ZNF182: variants seen among roughly 807,000 people sequenced by gnomAD.
The protein encoded by ZNF182 is zinc finger protein 21 (KOX 14).
In ZNF182, 10 loss-of-function variants were observed where a neutral mutation model predicts 28.1. The ratio of observed to expected loss-of-function variants is 0.36; its 90% CI spans 0.22 to 0.60. The LOEUF is 0.60. Among genes scored for constraint, ZNF182 ranks in the 20% least tolerant of loss-of-function variants. The probability of loss-of-function intolerance (pLI) is 0.75; values close to 1 mark genes in which losing one functional copy is unlikely to be tolerated. For synonymous variants in ZNF182, 156 were observed against 158.7 expected, an observed-to-expected ratio of 0.98 and a Z score of 0.13; for missense variants, 352 against 453.2, an observed-to-expected ratio of 0.78 and a Z score of 2.03.
chrX:47,996,979 G>A (rs782398910), intron 3 of ZNF182, among the ~76,000 whole-genome samples: 1 of 111,808 alleles, frequency 8.9e-6, no homozygotes, highest in South Asian at 3.7e-4. Flanking sequence ...CCAATCTATG[G>A]TACTTTGTTA....
chrX:47,990,618 T>A (rs782435565), intron 3 of ZNF182, among the ~76,000 whole-genome samples: 31 of 112,080 alleles, frequency 2.8e-4, no homozygotes, highest in Middle Eastern at 9.1e-3. Context: ...AGCTTCTCTA[T>A]AGGAAGTGGC....
At chrX:48,002,133 A>T in intron 3 of ZNF182, among the ~76,000 whole-genome samples, 1 of 112,374 alleles carries the variant, frequency 8.9e-6, no homozygotes. Context: ...AAGAGATTTC[A>T]TTCCCAAGTT....
chrX:47,981,583 A>G (rs954545605), intron 5 of ZNF182, among the ~76,000 whole-genome samples: 14 of 112,560 alleles, frequency 1.2e-4, no homozygotes, highest in African/African-American at 4.5e-4. Context: ...AATAATAGAT[A>G]AGAAGCAATT....
chrX:48,003,415 AC>A (rs1556902147), intron 2 of ZNF182, 92 bp downstream of exon 2: 1 of 112,217 alleles, frequency 8.9e-6, no homozygotes, highest in East Asian at 2.8e-4. Flanking sequence ...TCTCCCTCAG[AC>A]CCCGCACCTA....
intron 5 of ZNF182, among the ~76,000 whole-genome samples, chrX:47,981,899 C>CAAAA (rs781925569): frequency 2.2e-5 from 2 of 91,547 alleles, no homozygotes; most frequent in Non-Finnish European, 4.3e-5. Flanking sequence ...GACTCTGTCT[C>CAAAA]AAAAAAAAAA....
intron 3 of ZNF182, among the ~76,000 whole-genome samples, chrX:47,994,711 G>A (rs1226741703): frequency 1.8e-5 from 2 of 111,165 alleles, no homozygotes; most frequent in Non-Finnish European, 1.9e-5. Flanking sequence ...TGATCTCTGC[G>A]CACTGCAACC....
chrX:47,988,802 C>T (rs905515979), intron 3 of ZNF182, among the ~76,000 whole-genome samples: 2 of 110,508 alleles, frequency 1.8e-5, no homozygotes, highest in Admixed American at 1.9e-4. Flanking sequence ...AAATAAAAAC[C>T]CATAAAAATA....
chrX:47,985,714 A>G (rs1469121446), intron 3 of ZNF182, among the ~76,000 whole-genome samples: 12 of 110,967 alleles, frequency 1.1e-4, no homozygotes, highest in African/African-American at 3.3e-4. Context: ...AAGTGGCACC[A>G]TTCACCATCA....
At chrX:48,000,337 G>A (rs1209371836) in intron 3 of ZNF182, among the ~76,000 whole-genome samples, 2 of 107,604 alleles carry the variant, frequency 1.9e-5, no homozygotes, top group East Asian at 3.0e-4. Flanking sequence ...CGAGGTGGGC[G>A]GATCACCTGA....
At chrX:47,991,860 C>G (rs1334791149) in intron 3 of ZNF182, among the ~76,000 whole-genome samples, 1 of 111,354 alleles carries the variant, frequency 9.0e-6, no homozygotes, top group Non-Finnish European at 1.9e-5. Context: ...TAGTCTCTGT[C>G]TTCCCCCAAA....
chrX:47,987,367 G>A (rs980770896), intron 3 of ZNF182, among the ~76,000 whole-genome samples: 1 of 112,170 alleles, frequency 8.9e-6, no homozygotes, highest in Admixed American at 9.4e-5. Flanking sequence ...TGGTCGACCA[G>A]ACAAATAAAT....
chrX:47,983,051 A>C lies in ZNF182; in HGVS notation c.143-13T>G. On this transcript the variant is annotated splice_polypyrimidine_tract_variant and intron_variant, in intron 4 of 5. Coordinates refer to ENST00000376943, the MANE Select transcript of ZNF182 (RefSeq NM_001007088.2). ...GTAACCTGCTGCCCTGTTGATGAGAAATGACAGTGATACCTCCTTGGCTTT... is the reference window on the plus strand; with the variant it reads ...GTAACCTGCTGCCCTGTTGATGAGACATGACAGTGATACCTCCTTGGCTTT... 1 of 1,206,503 alleles carries C rather than the reference A, an allele frequency of 8.3e-7. No homozygotes were observed. Among genetic ancestry groups the C allele is most frequent in the Admixed American group, 2.2e-5 (1 of 45,950 alleles).
chrX:47,979,555 T>C (rs558127), intron 5 of ZNF182, among the ~76,000 whole-genome samples: 45,440 of 109,962 alleles, frequency 0.41, 7,013 homozygotes, highest in Non-Finnish European at 0.47. Flanking sequence ...CCCACCCAAA[T>C]GGATGTTGAG....
Position 47,999,241 on chromosome X carries a change from G to A in ZNF182, c.15+3354C>T, listed in dbSNP as rs548393198. ...CTAAAAATACAATAATTAGCCAGGC[G>A]TGGTGGCAGGTGCCTGTAATCCCAA... is the stretch of plus-strand genomic sequence containing the variant. On this transcript the variant is annotated intron_variant, in intron 3 of 5. Coordinates refer to ENST00000376943, the MANE Select transcript of ZNF182 (RefSeq NM_001007088.2). Among the ~76,000 whole-genome samples the A allele has an allele frequency of 2.8e-4, 31 of 109,933 alleles. No homozygotes were observed. In the South Asian group the frequency reaches 0.011, roughly 38 times the overall value.
intron 3 of ZNF182, among the ~76,000 whole-genome samples, chrX:47,985,314 G>A (rs1199793740): frequency 8.9e-6 from 1 of 112,338 alleles, no homozygotes; most frequent in East Asian, 2.8e-4. Flanking sequence ...TATGCTAAGT[G>A]AAAGAAGCCA....
At chrX:47,997,800 GAATT>G (rs1423766569) in intron 3 of ZNF182, among the ~76,000 whole-genome samples, 3 of 110,876 alleles carry the variant, frequency 2.7e-5, no homozygotes, top group East Asian at 2.8e-4. Context: ...TCAAAAAAAA[GAATT>G]AATTAATTCA....
chrX:47,981,313 A>G (rs782467983), intron 5 of ZNF182, among the ~76,000 whole-genome samples: 1 of 112,068 alleles, frequency 8.9e-6, no homozygotes, highest in Admixed American at 9.4e-5. Flanking sequence ...AAGCTACCAA[A>G]GACTCAGGAG....
intron 5 of ZNF182, among the ~76,000 whole-genome samples, chrX:47,979,866 GGT>G (rs56350180): frequency 0.21 from 18,961 of 89,481 alleles, 1,871 homozygotes; most frequent in South Asian, 0.33. Flanking sequence ...GTGTGTGTGG[GGT>G]GTGTGTGTGT....
In ZNF182 at chrX:47,983,277, A is replaced by G; in HGVS notation, c.142+8T>C. ...AACTGCAAAATTACCTAAGGAAGCT[A>G]TTCTTACCCACAAAGACCAAGTTGC... On this transcript the variant is annotated splice_region_variant and intron_variant, in intron 4 of 5. Coordinates refer to ENST00000376943, the MANE Select transcript of ZNF182 (RefSeq NM_001007088.2). The G allele has an allele frequency of 8.3e-7, 1 of 1,211,390 alleles. No homozygotes were observed. Among genetic ancestry groups the G allele is most frequent in the Non-Finnish European group, 1.1e-6 (1 of 895,358 alleles).
Sources: allele counts gnomAD v4.1 joint callset (sites outside exome capture counted in the v4.1 genomes callset), GRCh38; gene constraint gnomAD v4.1.1; transcripts MANE v1.5; gene names NCBI Gene and HGNC (gene_info 2026-07-23, HGNC 2026-07-21).